Variants in CCDC158 observed in about 807,000 individuals in gnomAD.
CCDC158 encodes coiled-coil domain containing 158.
Under a neutral mutation model 138.6 loss-of-function variants are expected in CCDC158, and 116 were observed. The ratio of observed to expected loss-of-function variants is 0.84; its 90% confidence interval spans 0.72 to 0.98. The LOEUF (loss-of-function observed/expected upper bound fraction) is 0.98. CCDC158 is among the 50% of genes least tolerant of loss of function. The pLI is 0.00. For missense variants in CCDC158, 1,265 were observed against 1,306.1 expected, an observed-to-expected ratio of 0.97 and a Z score of 0.48; for synonymous variants, 436 against 442.4, an observed-to-expected ratio of 0.99 and a Z score of 0.18.
Position 76,391,072 on chromosome 4 carries a change from A to T in CCDC158, c.288+5197T>A, listed in dbSNP as rs1442876639. ...CCCCACTTTCAGGACTGGATAGATCATTCAGACAGAAAATCAACAAAGAAA... is the reference window on the plus strand; with the variant it reads ...CCCCACTTTCAGGACTGGATAGATCTTTCAGACAGAAAATCAACAAAGAAA... On this transcript the variant is annotated intron_variant, in intron 4 of 24. Coordinates refer to ENST00000682701, the MANE Select transcript of CCDC158 (RefSeq NM_001394954.1). Among the ~76,000 whole-genome samples the T allele has an allele frequency of 2.6e-5, 4 of 152,038 alleles. No homozygotes were observed. The East Asian group carries it at 7.7e-4, about 29-fold the overall frequency.
At chr4:76,348,850 C>T (rs1335953555) in intron 18 of CCDC158, among the ~76,000 whole-genome samples, 3 of 151,918 alleles carry the variant, frequency 2.0e-5, no homozygotes, top group African/African-American at 4.8e-5. Context: ...ACAATTAATA[C>T]GTGTGTTAGA....
rs138268068 is a variant in CCDC158, at chr4:76,335,274, C to T, written c.2665-1107G>A. On this transcript the variant is annotated intron_variant, in intron 18 of 24. Transcript: ENST00000682701. ...AACACTGGTTTTGTTCTTGCCCTCA[C>T]GCTAATATGCATAATACCCAATATG... 5.3e-5 allele frequency among the ~76,000 whole-genome samples: 8 copies of T among 152,240 alleles called. No individual in the cohort carries two copies. In the East Asian group the frequency reaches 5.8e-4, roughly 11 times the overall value.
intron 11 of CCDC158, among the ~76,000 whole-genome samples, chr4:76,369,172 G>A (rs568478404): frequency 1.5e-4 from 23 of 152,110 alleles, no homozygotes; most frequent in Middle Eastern, 6.8e-3. Flanking sequence ...CCGAGATCGC[G>A]CCACTGCACT....
At chr4:76,346,817 T>A (rs1722595466) in intron 18 of CCDC158, among the ~76,000 whole-genome samples, 1 of 151,956 alleles carries the variant, frequency 6.6e-6, no homozygotes, top group Non-Finnish European at 1.5e-5. Flanking sequence ...TACAAAAAAC[T>A]TCAACAAATT....
chr4:76,351,951 A>T, intron 16 of CCDC158, 139 bp from the exon 17 acceptor site: 1 of 593,426 alleles, frequency 1.7e-6, no homozygotes, highest in South Asian at 2.3e-5. Flanking sequence ...TGATCTATTT[A>T]TCTGTTTTAT....
chr4:76,406,127 A>T (rs1038447119), intron 2 of CCDC158, among the ~76,000 whole-genome samples: 2 of 152,218 alleles, frequency 1.3e-5, no homozygotes, highest in African/African-American at 4.8e-5. Flanking sequence ...AGATTCAAAA[A>T]GACTAAAAAT....
intron 2 of CCDC158, among the ~76,000 whole-genome samples, chr4:76,404,827 A>C (rs76016378): frequency 0.029 from 4,434 of 152,158 alleles, 215 homozygotes; most frequent in African/African-American, 0.1. Flanking sequence ...GAGTTCAAGA[A>C]CTGCCTGGGC....
At chr4:76,334,525 A>G (rs551026666) in intron 18 of CCDC158, among the ~76,000 whole-genome samples, 69 of 152,350 alleles carry the variant, frequency 4.5e-4, no homozygotes, top group African/African-American at 1.6e-3. Flanking sequence ...TACTTTGTTT[A>G]AAGCTAAACT....
chr4:76,349,113 T>C (rs1043747086), intron 18 of CCDC158, among the ~76,000 whole-genome samples: 40 of 152,158 alleles, frequency 2.6e-4, no homozygotes, highest in African/African-American at 9.4e-4. Flanking sequence ...AATTGACTTA[T>C]CAGTGGAAGT....
chr4:76,390,408 C>T (rs1380103580), intron 4 of CCDC158, among the ~76,000 whole-genome samples: 1 of 151,800 alleles, frequency 6.6e-6, no homozygotes, highest in Non-Finnish European at 1.5e-5. Flanking sequence ...GAAATCAAAG[C>T]ATGGTAGTGG....
chr4:76,323,117 G>A (rs1456817495), intron 24 of CCDC158, among the ~76,000 whole-genome samples, 185 bp downstream of exon 24: 1 of 152,170 alleles, frequency 6.6e-6, no homozygotes, highest in Admixed American at 6.5e-5. Context: ...GGGCAAGAGT[G>A]ACCTGCCCAT....
chr4:76,396,753 G>C (rs1425622048), intron 3 of CCDC158, among the ~76,000 whole-genome samples: 2 of 151,976 alleles, frequency 1.3e-5, no homozygotes, highest in Non-Finnish European at 2.9e-5. Flanking sequence ...TCGTACTCCT[G>C]ACCTCCTGAC....
At chr4:76,333,976 T>G (rs1560794708) in intron 19 of CCDC158, 34 bp downstream of exon 19, 2 of 1,477,524 alleles carry the variant, frequency 1.4e-6, no homozygotes, top group Admixed American at 2.0e-5. Flanking sequence ...ATTCAAGAGA[T>G]GAGCTTTCCC....
chr4:76,353,152 C>A lies in CCDC158; in HGVS notation c.2416G>T (p.Val806Phe). Residue 806 changes from valine (V) to phenylalanine (F), a missense_variant, in exon 16 of 25, where the codon GTT (valine) becomes TTT (phenylalanine). Val to Phe is a conservative substitution (Grantham distance 50, BLOSUM62 -1). Coordinates refer to ENST00000682701, the MANE Select transcript of CCDC158 (RefSeq NM_001394954.1). ...RSQERRLKEK[V>F]TNMEVALDKA... is the part of the protein sequence containing the mutation. The stretch of plus-strand genomic sequence containing the variant: ...TCCAGAGCCACTTCCATATTAGTAA[C>A]CTTTTCTTTCAAACGGCGTTCCTGA... 2 of 1,613,318 alleles carry A rather than the reference C, an allele frequency of 1.2e-6. No individual in the cohort carries two copies. The highest frequency in any genetic ancestry group is 2.2e-5 in the East Asian group (1 of 44,858).
At chr4:76,338,287 A>G (rs28375011) in intron 18 of CCDC158, among the ~76,000 whole-genome samples, 4,462 of 152,216 alleles carry the variant, frequency 0.029, 219 homozygotes, top group African/African-American at 0.1. Flanking sequence ...CGAGGTGGGC[A>G]GATCATGAGG....
At chr4:76,420,357 A>C (rs183824616) in intron 1 of CCDC158, among the ~76,000 whole-genome samples, 116 of 152,282 alleles carry the variant, frequency 7.6e-4, no homozygotes, top group South Asian at 6.2e-3. Context: ...CCTCACTTCT[A>C]CTTTCCCCTG....
At chr4:76,331,312 A>G (rs772001135) in intron 21 of CCDC158, 32 bp downstream of exon 21, 3 of 1,582,876 alleles carry the variant, frequency 1.9e-6, no homozygotes, top group Non-Finnish European at 1.7e-6. Context: ...CGTAAAAGGG[A>G]CATTTTGAAA....
At chr4:76,331,151 T>C (rs1720968726) in intron 21 of CCDC158, among the ~76,000 whole-genome samples, 193 bp downstream of exon 21, 3 of 152,192 alleles carry the variant, frequency 2.0e-5, no homozygotes, top group African/African-American at 7.2e-5. Context: ...AGTAAGTTTT[T>C]CCAGGCAGTC....
At chr4:76,417,191 G>A (rs964904030) in intron 1 of CCDC158, among the ~76,000 whole-genome samples, 1 of 152,150 alleles carries the variant, frequency 6.6e-6, no homozygotes, top group Non-Finnish European at 1.5e-5. Context: ...GCTGGATTTT[G>A]GATTTGCATG....
Sources: gnomAD v4.1 joint callset for allele counts (sites outside exome capture counted in the v4.1 genomes callset) on GRCh38, gnomAD v4.1.1 for gene constraint, MANE v1.5 for transcripts, NCBI Gene and HGNC (gene_info 2026-07-23, HGNC 2026-07-21) for gene names.